The following TMEM161B variants were observed in gnomAD, a reference collection of about 807,000 sequenced individuals.
The protein encoded by TMEM161B is transmembrane protein 161B.
Under a neutral mutation model 61.8 loss-of-function variants are expected in TMEM161B, and 34 were observed. That is an observed-to-expected ratio of 0.55 (90% CI 0.42 to 0.73). TMEM161B has a LOEUF of 0.73. Ranked by LOEUF, TMEM161B falls within the 30% of genes least tolerant of loss-of-function variation. The pLI, the probability that TMEM161B is intolerant of heterozygous loss-of-function variation, is 0.00. For missense variants in TMEM161B, 456 were observed against 558.5 expected, an observed-to-expected ratio of 0.82 and a Z score of 1.85; for synonymous variants, 167 against 192.8, an observed-to-expected ratio of 0.87 and a Z score of 1.11.
intron 4 of TMEM161B, among the ~76,000 whole-genome samples, chr5:88,222,757 CAAT>C (rs2112539269): frequency 6.6e-6 from 1 of 152,148 alleles, no homozygotes; most frequent in Non-Finnish European, 1.5e-5. Flanking sequence ...ATTGGGACAT[CAAT>C]AATATATACA....
chr5:88,201,236 AT>A (rs1744355364), intron 9 of TMEM161B: 1 of 152,012 alleles, frequency 6.6e-6, no homozygotes. Context: ...TACAAACAAT[AT>A]TTTTCCTATA....
intron 2 of TMEM161B, among the ~76,000 whole-genome samples, chr5:88,230,155 C>T (rs377522588): frequency 6.6e-6 from 1 of 152,046 alleles, no homozygotes; most frequent in East Asian, 1.9e-4. Context: ...CCCTGCATTC[C>T]ACTCTGGGCA....
intron 5 of TMEM161B, among the ~76,000 whole-genome samples, chr5:88,209,663 TA>T (rs1746293572): frequency 6.6e-6 from 1 of 152,176 alleles, no homozygotes; most frequent in East Asian, 1.9e-4. Context: ...GGATAAATCT[TA>T]AAAACCTAAT....
At chr5:88,218,535 C>T (rs1012773508) in intron 5 of TMEM161B, among the ~76,000 whole-genome samples, 1 of 152,148 alleles carries the variant, frequency 6.6e-6, no homozygotes, top group Non-Finnish European at 1.5e-5. Context: ...CACCTGTAAT[C>T]TCAGCACTCT....
intron 2 of TMEM161B, among the ~76,000 whole-genome samples, chr5:88,234,560 A>C (rs139336664): frequency 6.6e-6 from 1 of 152,140 alleles, no homozygotes; most frequent in African/African-American, 2.4e-5. Context: ...CTCAATTTCC[A>C]GTCTTTTCCT....
chr5:88,202,206 A>G (rs1230798971), intron 9 of TMEM161B: 3 of 446,566 alleles, frequency 6.7e-6, no homozygotes, highest in Non-Finnish European at 1.3e-5. Context: ...TGGAGTTTGA[A>G]CCAGTTCTGT....
chr5:88,202,806 T>G, intron 9 of TMEM161B, 156 bp downstream of exon 9: 3 of 668,160 alleles, frequency 4.5e-6, no homozygotes, highest in Middle Eastern at 3.9e-4. Flanking sequence ...TACATGATGG[T>G]CTGTAGTTTC....
intron 2 of TMEM161B, among the ~76,000 whole-genome samples, chr5:88,235,209 T>TTA (rs1751641556): frequency 6.6e-6 from 1 of 152,198 alleles, no homozygotes; most frequent in Non-Finnish European, 1.5e-5. Context: ...TAAGTAGCAT[T>TTA]TATAGTGCTT....
intron 1 of TMEM161B, among the ~76,000 whole-genome samples, chr5:88,244,437 T>G (rs1753268494): frequency 1.3e-5 from 2 of 151,922 alleles, no homozygotes; most frequent in South Asian, 2.1e-4. Context: ...AAAGATCACA[T>G]GGTTGCAGGT....
chr5:88,223,272 A>T (rs1339883238), intron 4 of TMEM161B, among the ~76,000 whole-genome samples: 1 of 151,632 alleles, frequency 6.6e-6, no homozygotes, highest in Non-Finnish European at 1.5e-5. Context: ...TACCCACTTC[A>T]GAATTGTGCA....
intron 1 of TMEM161B, among the ~76,000 whole-genome samples, chr5:88,263,973 T>C (rs1756020954): frequency 6.6e-6 from 1 of 152,098 alleles, no homozygotes; most frequent in African/African-American, 2.4e-5. Context: ...ACCTTAGTGG[T>C]TAACTGCTAA....
intron 8 of TMEM161B, among the ~76,000 whole-genome samples, chr5:88,203,639 G>A (rs1364470383): frequency 6.6e-6 from 1 of 151,008 alleles, no homozygotes; most frequent in Non-Finnish European, 1.5e-5. Flanking sequence ...ACCTTTTAAC[G>A]TGTAATGATC....
chr5:88,258,898 G>A (rs914556144), intron 1 of TMEM161B, among the ~76,000 whole-genome samples: 1 of 152,070 alleles, frequency 6.6e-6, no homozygotes, highest in African/African-American at 2.4e-5. Context: ...ATTTCAAAGG[G>A]CTTCTAATTA....
At chr5:88,209,686 T>C (rs1210806137) in intron 5 of TMEM161B, among the ~76,000 whole-genome samples, 3 of 152,100 alleles carry the variant, frequency 2.0e-5, no homozygotes, top group Admixed American at 6.5e-5. Flanking sequence ...ATTTATTGAG[T>C]TCCACATTAG....
At chr5:88,229,278 A>G (rs941772168) in intron 2 of TMEM161B, among the ~76,000 whole-genome samples, 6 of 152,152 alleles carry the variant, frequency 3.9e-5, no homozygotes, top group African/African-American at 1.4e-4. Context: ...CTTATTTTCA[A>G]TGTGCCCTCT....
intron 2 of TMEM161B, among the ~76,000 whole-genome samples, chr5:88,229,688 ACCC>A (rs900551687): frequency 6.9e-6 from 1 of 144,610 alleles, no homozygotes; most frequent in Admixed American, 7.1e-5. Context: ...AGTATGCTAG[ACCC>A]CCCAATTCTT....
chr5:88,226,707 T>C (rs888625160), intron 3 of TMEM161B, among the ~76,000 whole-genome samples: 1 of 152,186 alleles, frequency 6.6e-6, no homozygotes, highest in African/African-American at 2.4e-5. Flanking sequence ...AACCAAACAA[T>C]AATTCTTGTT....
chr5:88,226,524 TCAAA>T (rs1454119514), intron 3 of TMEM161B, among the ~76,000 whole-genome samples: 1 of 152,160 alleles, frequency 6.6e-6, no homozygotes, highest in Non-Finnish European at 1.5e-5. Context: ...ATTCCTGGGC[TCAAA>T]CAATTTTCCT....
intron 4 of TMEM161B, among the ~76,000 whole-genome samples, chr5:88,224,031 C>T (rs541212261): frequency 3.3e-5 from 5 of 152,230 alleles, no homozygotes; most frequent in African/African-American, 1.2e-4. Context: ...TCACGTATTT[C>T]GAAGCCACTT....
Sources: gnomAD v4.1 joint callset for allele counts (sites outside exome capture counted in the v4.1 genomes callset) on GRCh38, gnomAD v4.1.1 for gene constraint, MANE v1.5 for transcripts, NCBI Gene and HGNC (gene_info 2026-07-23, HGNC 2026-07-21) for gene names.